STXBP5: variants seen among roughly 807,000 people sequenced by gnomAD.
The protein encoded by STXBP5 is syntaxin binding protein 5.
Under a neutral mutation model 152.4 loss-of-function variants are expected in STXBP5, and 50 were observed. That is an observed-to-expected ratio of 0.33 (90% CI 0.26 to 0.42). STXBP5 has a LOEUF of 0.42. Ranked by LOEUF, STXBP5 falls within the 10% of genes least tolerant of loss-of-function variation. STXBP5 has a pLI of 1.00. For missense variants in STXBP5, 1,167 were observed against 1,388.6 expected (o/e 0.84, Z 2.54); for synonymous variants, 492 against 494.7 (o/e 0.99, Z 0.07).
chr6:147,306,750 C>T (rs1262255961), intron 9 of STXBP5, among the ~76,000 whole-genome samples: 1 of 152,154 alleles, frequency 6.6e-6, no homozygotes, highest in African/African-American at 2.4e-5. Flanking sequence ...TTCCACAAAC[C>T]CAGTTCTTTG....
rs899610558 is a variant in STXBP5 at position 147,353,303 on chromosome 6, A to G, written c.2255-20A>G. On this transcript the variant is annotated intron_variant, in intron 21 of 27. Transcript: ENST00000321680. ...AATCAAATATTCTTCAGAATTTTAA[A>G]AATGTCTTTTATTTTTCAGCAAAGA... The G allele has an allele frequency of 1.9e-6, 3 of 1,544,102 alleles. No homozygotes were observed. Among genetic ancestry groups the G allele is most frequent in the Non-Finnish European group, 2.6e-6 (3 of 1,136,698 alleles).
intron 2 of STXBP5, among the ~76,000 whole-genome samples, chr6:147,230,124 G>A (rs1380839438): frequency 1.4e-4 from 22 of 151,796 alleles, no homozygotes; most frequent in Non-Finnish European, 5.9e-5. Flanking sequence ...ATGTGGTTGT[G>A]CTCTGTATTC....
At position 147,328,605 on chromosome 6, in the gene STXBP5, A is replaced by G. The variant is rs561690108; in HGVS notation, c.2080+1329A>G. 8.6e-5 allele frequency: 31 copies of G among 358,870 alleles called. 1 individual carries two copies. The highest frequency in any genetic ancestry group is 7.5e-4 in the Middle Eastern group (2 of 2,674). The allele number at this position is 358,870 out of a possible 1,614,324, so 22.2% of individuals were successfully genotyped here. On this transcript the variant is annotated intron_variant, in intron 18 of 27. Transcript: ENST00000321680. ...TTTTTTTTAATGTGATCATTTTGTC[A>G]TGTAATATCTTCAGCAGAGATTGTT...
chr6:147,298,703 G>A (rs1305351019), intron 9 of STXBP5, among the ~76,000 whole-genome samples: 2 of 151,930 alleles, frequency 1.3e-5, no homozygotes, highest in Non-Finnish European at 2.9e-5. Context: ...AAAAATACAT[G>A]GACATTACTC....
In STXBP5 at chr6:147,344,437, A is replaced by T. The variant is rs140426306; in HGVS notation, c.2254+5053A>T. Among the ~76,000 whole-genome samples the T allele has an allele frequency of 2.5e-3, 380 of 152,326 alleles. 2 individuals are homozygous for T. The highest frequency in any genetic ancestry group is 8.6e-3 in the African/African-American group (358 of 41,574). On this transcript the variant is annotated intron_variant, in intron 21 of 27. Transcript: ENST00000321680. ...ATGTTCTGTCATTACTTATTTTATT[A>T]GTTTGTTAGGACAGCCACCACAAAA...
intron 22 of STXBP5, among the ~76,000 whole-genome samples, chr6:147,358,436 C>T (rs578046012): frequency 3.3e-5 from 5 of 152,132 alleles, no homozygotes; most frequent in East Asian, 3.9e-4. Context: ...GGGAGGCACC[C>T]GGTTCAGTTC....
At chr6:147,324,907 T>G (rs756178567) in intron 16 of STXBP5, 52 bp from the exon 17 acceptor site, 48 of 1,374,060 alleles carry the variant, frequency 3.5e-5, no homozygotes, top group Admixed American at 2.1e-4. Context: ...TATAATCATA[T>G]AGGCCAATAG....
At chr6:147,258,831 T>A (rs1582854279) in intron 4 of STXBP5, among the ~76,000 whole-genome samples, 1 of 152,100 alleles carries the variant, frequency 6.6e-6, no homozygotes, top group East Asian at 1.9e-4. Context: ...TATTTAATTA[T>A]TTTATCATTT....
chr6:147,276,822 T>C (rs1413340051), intron 7 of STXBP5, among the ~76,000 whole-genome samples: 5 of 152,250 alleles, frequency 3.3e-5, no homozygotes, highest in East Asian at 3.9e-4. Flanking sequence ...CTTCAACTTA[T>C]GATTTTTTTG....
intron 6 of STXBP5, among the ~76,000 whole-genome samples, chr6:147,264,329 T>G (rs1298325323): frequency 6.6e-6 from 1 of 152,072 alleles, no homozygotes; most frequent in Admixed American, 6.6e-5. Flanking sequence ...TAGCTACCAT[T>G]TATTTAATTC....
At chr6:147,218,262 A>G (rs1777275840) in intron 2 of STXBP5, among the ~76,000 whole-genome samples, 1 of 152,186 alleles carries the variant, frequency 6.6e-6, no homozygotes, top group African/African-American at 2.4e-5. Context: ...AGACAAATAT[A>G]ATTACATGTC....
At chr6:147,302,724 A>AGAATCACTT (rs1562473394) in intron 9 of STXBP5, among the ~76,000 whole-genome samples, 1 of 152,184 alleles carries the variant, frequency 6.6e-6, no homozygotes, top group East Asian at 1.9e-4. Flanking sequence ...CTGAGGCAGG[A>AGAATCACTT]GAATCACTTG....
intron 26 of STXBP5, among the ~76,000 whole-genome samples, chr6:147,376,089 ATATAAT>A (rs536966534): frequency 6.2e-4 from 95 of 152,340 alleles, no homozygotes; most frequent in Admixed American, 1.7e-3. Flanking sequence ...ATGTGCATAA[ATATAAT>A]TAATATAATC....
chr6:147,379,620 A>G (rs1319960112), intron 26 of STXBP5, among the ~76,000 whole-genome samples: 1 of 152,132 alleles, frequency 6.6e-6, no homozygotes, highest in African/African-American at 2.4e-5. Flanking sequence ...CTTCTATTTT[A>G]CATAGGAATG....
chr6:147,346,407 G>A (rs1224376005), intron 21 of STXBP5, among the ~76,000 whole-genome samples: 1 of 152,122 alleles, frequency 6.6e-6, no homozygotes, highest in Non-Finnish European at 1.5e-5. Flanking sequence ...TGGCTAAACA[G>A]ACCTGAAGCG....
chr6:147,315,782 A>G (rs765719482), intron 15 of STXBP5, 47 bp downstream of exon 15: 1 of 1,552,740 alleles, frequency 6.4e-7, no homozygotes, highest in Non-Finnish European at 8.8e-7. Flanking sequence ...TTTCATCCAC[A>G]TTTTTAAATT....
intron 9 of STXBP5, among the ~76,000 whole-genome samples, chr6:147,304,137 C>T (rs1781968640): frequency 6.6e-6 from 1 of 152,174 alleles, no homozygotes; most frequent in Non-Finnish European, 1.5e-5. Flanking sequence ...CAGGGCATGT[C>T]ACAAACCTTC....
chr6:147,376,854 T>G (rs548580930), intron 26 of STXBP5, among the ~76,000 whole-genome samples: 3 of 152,042 alleles, frequency 2.0e-5, no homozygotes. Context: ...ATGTACATTG[T>G]TTATAGGGGA....
At chr6:147,310,520 G>C (rs1184154869) in intron 10 of STXBP5, among the ~76,000 whole-genome samples, 1 of 123,580 alleles carries the variant, frequency 8.1e-6, no homozygotes, top group African/African-American at 2.9e-5. Context: ...CACACTCATA[G>C]GAGAGAAAGT....
Sources: allele counts gnomAD v4.1 joint callset (sites outside exome capture counted in the v4.1 genomes callset), GRCh38; gene constraint gnomAD v4.1.1; transcripts MANE v1.5; gene names NCBI Gene and HGNC (gene_info 2026-07-23, HGNC 2026-07-21).